DAPK1: variants seen among roughly 807,000 people sequenced by gnomAD.
DAPK1 encodes the protein death-associated protein kinase 1.
DAPK1 carries 56 observed loss-of-function variants against 144.9 expected under a neutral mutation model. The observed-to-expected ratio is 0.39, with a 90% confidence interval of 0.31 to 0.48. The LOEUF (loss-of-function observed/expected upper bound fraction) is 0.48, where lower values mean the gene tolerates loss of function less well. Among genes scored for constraint, DAPK1 ranks in the 20% least tolerant of loss-of-function variants. The pLI, the probability that DAPK1 is intolerant of heterozygous loss-of-function variation, is 0.95. For missense variants in DAPK1, 1,454 were observed against 1,875.4 expected (o/e 0.78, Z 4.15); for synonymous variants, 690 against 749.0 (o/e 0.92, Z 1.29).
At chr9:87,613,002 A>G (rs1828979389) in intron 3 of DAPK1, among the ~76,000 whole-genome samples, 1 of 152,186 alleles carries the variant, frequency 6.6e-6, no homozygotes, top group Non-Finnish European at 1.5e-5. Flanking sequence ...TGGTTCTCCA[A>G]TCCTAAATGT....
At chr9:87,536,488 T>TA (rs879265552) in intron 2 of DAPK1, among the ~76,000 whole-genome samples, 19 of 147,840 alleles carry the variant, frequency 1.3e-4, no homozygotes, top group Middle Eastern at 3.5e-3. Flanking sequence ...GACAATTAGT[T>TA]AAAAAAAAAA....
At chr9:87,508,710 G>A (rs2118081550) in intron 2 of DAPK1, among the ~76,000 whole-genome samples, 1 of 152,198 alleles carries the variant, frequency 6.6e-6, no homozygotes, top group African/African-American at 2.4e-5. Flanking sequence ...GAATTTTCCA[G>A]GTGAAAAAGA....
intron 2 of DAPK1, among the ~76,000 whole-genome samples, chr9:87,582,843 G>A (rs1279041381): frequency 3.9e-5 from 6 of 152,020 alleles, no homozygotes; most frequent in South Asian, 2.1e-4. Flanking sequence ...ATGAGCCACC[G>A]CGCCCAGCCA....
rs562124173 is a variant in DAPK1, at chr9:87,525,445, G to A, written c.62+26306G>A. On this transcript the variant is annotated intron_variant, in intron 2 of 25. Coordinates refer to ENST00000408954, the MANE Select transcript of DAPK1 (RefSeq NM_004938.4). ...GCCGCCAGTGTTTCCGTCAGTACGC[G>A]AAGGATATCGGTTTCATTAAGTTGG... The A allele has an allele frequency of 2.9e-5, 47 of 1,607,788 alleles. 1 individual carries two copies. The South Asian group carries it at 4.2e-4, about 14-fold the overall frequency.
chr9:87,561,612 G>T (rs1302669190), intron 2 of DAPK1, among the ~76,000 whole-genome samples: 1 of 152,262 alleles, frequency 6.6e-6, no homozygotes, highest in East Asian at 1.9e-4. Flanking sequence ...ATTTCTCTGG[G>T]TCATTAACTT....
At chr9:87,663,098 G>T (rs547832545) in intron 18 of DAPK1, among the ~76,000 whole-genome samples, 1 of 152,000 alleles carries the variant, frequency 6.6e-6, no homozygotes, top group Admixed American at 6.5e-5. Context: ...TCTCCGCTGA[G>T]TCCTCAGCCA....
At chr9:87,675,469 C>T (rs1824328754) in intron 19 of DAPK1, among the ~76,000 whole-genome samples, 1 of 152,018 alleles carries the variant, frequency 6.6e-6, no homozygotes, top group Non-Finnish European at 1.5e-5. Flanking sequence ...GGTAACTGGG[C>T]TAGGGTCAGA....
intron 2 of DAPK1, among the ~76,000 whole-genome samples, chr9:87,519,805 C>T (rs1259194094): frequency 6.6e-6 from 1 of 152,102 alleles, no homozygotes; most frequent in African/African-American, 2.4e-5. Context: ...ACAGTTGTAA[C>T]TGCTCTCAGG....
intron 18 of DAPK1, among the ~76,000 whole-genome samples, chr9:87,665,387 G>A (rs1831015628): frequency 6.6e-6 from 1 of 152,188 alleles, no homozygotes; most frequent in Non-Finnish European, 1.5e-5. Flanking sequence ...AGTGTTTGTT[G>A]ACCGAGTGCT....
In DAPK1 at chr9:87,597,414, A is replaced by G. The variant is rs533765824; in HGVS notation, c.63-7540A>G. 9.9e-4 allele frequency among the ~76,000 whole-genome samples: 151 copies of G among 152,156 alleles called. 1 individual carries two copies. Among genetic ancestry groups the G allele is most frequent in the African/African-American group, 2.7e-3 (111 of 41,506 alleles). ...GCTTTGTTGAGTTCCAATGGGGGGG[A>G]AAATGTAGAGACTTAACATTTAGAT... On this transcript the variant is annotated intron_variant, in intron 2 of 25. Transcript: ENST00000408954.
At chr9:87,528,277 G>A (rs1276463503) in intron 2 of DAPK1, among the ~76,000 whole-genome samples, 1 of 150,842 alleles carries the variant, frequency 6.6e-6, no homozygotes, top group Non-Finnish European at 1.5e-5. Context: ...GAGTGCAATG[G>A]TGATGTCTCA....
In DAPK1 at chr9:87,516,546, A is replaced by AT. The variant is rs113948500; in HGVS notation, c.62+17417dup. 1.9e-3 allele frequency among the ~76,000 whole-genome samples: 280 copies of AT among 148,408 alleles called. 2 individuals carry two copies. The highest frequency in any genetic ancestry group is 1.9e-3 in the South Asian group (9 of 4,640). On this transcript the variant is annotated intron_variant, in intron 2 of 25. Coordinates refer to ENST00000408954, the MANE Select transcript of DAPK1 (RefSeq NM_004938.4). ...GTTTCTAAACTGCCTAATAGCTGTG[A>AT]TTTTTTTTTTCAGGCTGATTTCTAA...
At chr9:87,704,312 CTAG>C (rs1373753696) in intron 25 of DAPK1, among the ~76,000 whole-genome samples, 1 of 152,192 alleles carries the variant, frequency 6.6e-6, no homozygotes, top group Non-Finnish European at 1.5e-5. Context: ...CCCTTGCTTT[CTAG>C]TAGTAGACCA....
chr9:87,700,947 C>T (rs370138788), intron 24 of DAPK1, among the ~76,000 whole-genome samples: 12 of 152,256 alleles, frequency 7.9e-5, no homozygotes, highest in African/African-American at 2.6e-4. Flanking sequence ...TCTTGGGTTG[C>T]AAGATATGAC....
Position 87,524,154 on chromosome 9 carries a change from C to A in DAPK1, c.62+25015C>A, listed in dbSNP as rs115251571. ...GATAGAGGTTCTTACAGAGGAGGGG[C>A]TGGAGTCCACTGATGCTCTGGGCCT... On this transcript the variant is annotated intron_variant, in intron 2 of 25. Transcript: ENST00000408954. Among the ~76,000 whole-genome samples, 1,019 of 152,278 alleles carry A rather than the reference C, an allele frequency of 6.7e-3. 14 individuals are homozygous for A. Among genetic ancestry groups the A allele is most frequent in the African/African-American group, 0.023 (969 of 41,560 alleles).
At chr9:87,664,873 TC>T (rs1830994779) in intron 18 of DAPK1, among the ~76,000 whole-genome samples, 1 of 152,190 alleles carries the variant, frequency 6.6e-6, no homozygotes. Flanking sequence ...CATCTCCTGT[TC>T]CGCCTCCTCC....
At chr9:87,626,456 CAACA>C (rs1205915244) in intron 3 of DAPK1, among the ~76,000 whole-genome samples, 4 of 151,974 alleles carry the variant, frequency 2.6e-5, no homozygotes, top group African/African-American at 4.8e-5. Context: ...ACAACAACAA[CAACA>C]AGCAAGTGAG....
chr9:87,696,949 A>G, intron 21 of DAPK1, 58 bp from the exon 22 acceptor site: 1 of 872,068 alleles, frequency 1.1e-6, no homozygotes, highest in Non-Finnish European at 2.0e-6. Context: ...AAGAGAATTT[A>G]TGATTGAAAT....
intron 2 of DAPK1, among the ~76,000 whole-genome samples, chr9:87,566,867 A>G (rs2118707072): frequency 6.6e-6 from 1 of 152,332 alleles, no homozygotes; most frequent in South Asian, 2.1e-4. Context: ...GATGAAACAG[A>G]AATTTTATCA....
Sources: gnomAD v4.1 joint callset for allele counts (sites outside exome capture counted in the v4.1 genomes callset) on GRCh38, gnomAD v4.1.1 for gene constraint, MANE v1.5 for transcripts, NCBI Gene and HGNC (gene_info 2026-07-23, HGNC 2026-07-21) for gene names.